STX18: variants seen among roughly 807,000 people sequenced by gnomAD.
The protein encoded by STX18 is syntaxin 18.
A neutral mutation model predicts 50.1 loss-of-function variants in STX18; 40 were observed. The observed-to-expected ratio is 0.80, with a 90% CI of 0.62 to 1.04. STX18 has a LOEUF of 1.04. Ranked by LOEUF, STX18 falls within the 50% of genes least tolerant of loss-of-function variation. STX18 has a pLI of 0.00. For missense variants in STX18, 410 were observed against 415.8 expected (o/e 0.99, Z 0.12); for synonymous variants, 158 against 151.8 (o/e 1.04, Z -0.30).
At chr4:4,533,109 C>T (rs552604359) in intron 1 of STX18, among the ~76,000 whole-genome samples, 4 of 152,328 alleles carry the variant, frequency 2.6e-5, no homozygotes, top group African/African-American at 9.6e-5. Flanking sequence ...AAAATTTCAA[C>T]TGTGCTGCAA....
chr4:4,469,289 A>C (rs1727790412), intron 2 of STX18, among the ~76,000 whole-genome samples: 1 of 152,236 alleles, frequency 6.6e-6, no homozygotes, highest in Admixed American at 6.5e-5. Flanking sequence ...AGGTTGTAAA[A>C]AAAACAAAAC....
Position 4,420,214 on chromosome 4 carries a change from C to T in STX18, c.913-85G>A, listed in dbSNP as rs1724857645. ...TGAAATGCCCCCCTCTTCCCACGTG[C>T]TCTCCTGATCCTGGCTGTAACTATG... On this transcript the variant is annotated intron_variant, in intron 10 of 10. Coordinates refer to ENST00000306200, the MANE Select transcript of STX18 (RefSeq NM_016930.4). The surrounding 1 kb of genome is among the most constrained non-coding windows in gnomAD (Gnocchi z 4.3). 1 of 1,040,526 alleles carries T rather than the reference C, an allele frequency of 9.6e-7. No individual in the cohort carries two copies. The highest frequency in any genetic ancestry group is 1.4e-6 in the Non-Finnish European group (1 of 694,822). 64.5% of individuals were successfully genotyped at this position (1,040,526 alleles called of 1,614,324 possible). A position where few individuals can be genotyped will look rare whatever the true frequency, so the allele number is the denominator to read the frequency against.
intron 1 of STX18, among the ~76,000 whole-genome samples, chr4:4,522,821 T>C (rs1730574045): frequency 6.6e-6 from 1 of 152,212 alleles, no homozygotes; most frequent in African/African-American, 2.4e-5. Flanking sequence ...GATACTTGCA[T>C]TGTTGCATTG....
intron 1 of STX18, among the ~76,000 whole-genome samples, chr4:4,486,862 T>C (rs1728721982): frequency 6.6e-6 from 1 of 152,214 alleles, no homozygotes; most frequent in Admixed American, 6.5e-5. Flanking sequence ...TTTCACTTTC[T>C]AAGAGGGGAC....
At chr4:4,531,689 A>C (rs1731103886) in intron 1 of STX18, among the ~76,000 whole-genome samples, 1 of 152,186 alleles carries the variant, frequency 6.6e-6, no homozygotes, top group Non-Finnish European at 1.5e-5. Flanking sequence ...ATCTGCTCCC[A>C]GGTCAAAGCT....
At chr4:4,435,264 A>C (rs1725715948) in intron 6 of STX18, among the ~76,000 whole-genome samples, 1 of 152,218 alleles carries the variant, frequency 6.6e-6, no homozygotes, top group Non-Finnish European at 1.5e-5. Flanking sequence ...TTATTGTAAA[A>C]AATACATATG....
At chr4:4,506,462 T>C (rs900407519) in intron 1 of STX18, among the ~76,000 whole-genome samples, 8 of 152,220 alleles carry the variant, frequency 5.3e-5, no homozygotes, top group Admixed American at 3.9e-4. Context: ...ATTTATATGA[T>C]GTTATTGAAA....
At chr4:4,519,956 T>C (rs1302494320) in intron 1 of STX18, among the ~76,000 whole-genome samples, 2 of 152,238 alleles carry the variant, frequency 1.3e-5, no homozygotes, top group Non-Finnish European at 2.9e-5. Context: ...GAATATCATT[T>C]ATCTTATGAT....
intron 5 of STX18, among the ~76,000 whole-genome samples, chr4:4,442,766 T>C (rs1726186783): frequency 6.9e-6 from 1 of 144,036 alleles, no homozygotes; most frequent in Non-Finnish European, 1.5e-5. Flanking sequence ...TCAATTTTGC[T>C]ATGAACGTAA....
chr4:4,510,090 A>C (rs1204563758), intron 1 of STX18, among the ~76,000 whole-genome samples: 1 of 152,198 alleles, frequency 6.6e-6, no homozygotes, highest in Non-Finnish European at 1.5e-5. Context: ...GAATATTTAG[A>C]ACTAGGGGGC....
intron 1 of STX18, among the ~76,000 whole-genome samples, chr4:4,516,130 T>G (rs1436687910): frequency 4.6e-5 from 7 of 152,364 alleles, no homozygotes; most frequent in African/African-American, 1.4e-4. Context: ...GTCTCCAGTC[T>G]GCTCCAAGTT....
At chr4:4,536,340 G>A (rs986866889) in intron 1 of STX18, among the ~76,000 whole-genome samples, 19 of 152,348 alleles carry the variant, frequency 1.2e-4, no homozygotes, top group African/African-American at 4.3e-4. Context: ...TACAGATTCA[G>A]TGCTAACAAC....
At chr4:4,542,157 C>T (rs2108942534), upstream of STX18, 1 of 678,752 alleles carries the variant, frequency 1.5e-6, no homozygotes, top group African/African-American at 1.9e-5. Context: ...TCAGCCGGCG[C>T]ACCTGGCGGA....
At chr4:4,528,356 T>C (rs142591466) in intron 1 of STX18, among the ~76,000 whole-genome samples, 49 of 152,234 alleles carry the variant, frequency 3.2e-4, no homozygotes, top group African/African-American at 1.0e-3. Context: ...GCTGTCCCCT[T>C]GGTGATAAGT....
At chr4:4,509,723 G>A (rs1253608901) in intron 1 of STX18, among the ~76,000 whole-genome samples, 1 of 152,172 alleles carries the variant, frequency 6.6e-6, no homozygotes, top group African/African-American at 2.4e-5. Flanking sequence ...GGGAAATCTA[G>A]GAAGAGTGTA....
chr4:4,520,920 T>TA (rs1250719807), intron 1 of STX18, among the ~76,000 whole-genome samples: 1 of 152,194 alleles, frequency 6.6e-6, no homozygotes, highest in Non-Finnish European at 1.5e-5. Context: ...CTTTAGTATC[T>TA]AAAAAAATTC....
At chr4:4,458,320 G>C (rs747023432) in intron 3 of STX18, among the ~76,000 whole-genome samples, 2 of 152,094 alleles carry the variant, frequency 1.3e-5, no homozygotes, top group Non-Finnish European at 2.9e-5. Flanking sequence ...TGCCCTTAAG[G>C]GTAGAGGGCA....
chr4:4,475,553 C>A lies in STX18; in HGVS notation c.169-3847G>T, dbSNP rs190602010. On this transcript the variant is annotated intron_variant, in intron 1 of 10. Coordinates refer to ENST00000306200, the MANE Select transcript of STX18 (RefSeq NM_016930.4). ...TTATCTACATAGGCATACCTAAGTC[C>A]CCAAATAGCATAATACAATTATCTC... Among the ~76,000 whole-genome samples, 3 of 151,932 alleles carry A rather than the reference C, an allele frequency of 2.0e-5. No individual in the cohort carries two copies. In the East Asian group the frequency reaches 5.8e-4, roughly 29 times the overall value.
At chr4:4,524,692 T>C (rs765093460) in intron 1 of STX18, among the ~76,000 whole-genome samples, 3 of 152,226 alleles carry the variant, frequency 2.0e-5, no homozygotes, top group Non-Finnish European at 2.9e-5. Context: ...GGTGACACTG[T>C]TTGGTTCACC....
Sources: gnomAD v4.1 joint callset for allele counts (sites outside exome capture counted in the v4.1 genomes callset) on GRCh38, gnomAD v4.1.1 for gene constraint, Gnocchi (gnomAD v3.1) non-coding constraint, MANE v1.5 for transcripts, NCBI Gene and HGNC (gene_info 2026-07-23, HGNC 2026-07-21) for gene names.